SPOCK1: variants seen among roughly 807,000 people sequenced by gnomAD.
SPOCK1 encodes the protein SPARC (osteonectin), cwcv and kazal like domains proteoglycan 1, also known as testican-1.
Under a neutral mutation model 55.3 loss-of-function variants are expected in SPOCK1, and 23 were observed. The ratio of observed to expected loss-of-function variants is 0.42; its 90% CI spans 0.30 to 0.59. The LOEUF (loss-of-function observed/expected upper bound fraction) is 0.59. SPOCK1 is among the 20% of genes least tolerant of loss of function. SPOCK1 has a pLI of 0.22. For missense variants in SPOCK1, 499 were observed against 552.5 expected (o/e 0.90, Z 0.97); for synonymous variants, 226 against 221.0 (o/e 1.02, Z -0.20).
chr5:137,406,340 G>A (rs773222787), intron 2 of SPOCK1, among the ~76,000 whole-genome samples: 1 of 152,188 alleles, frequency 6.6e-6, no homozygotes, highest in African/African-American at 2.4e-5. Flanking sequence ...AATGAGCAAG[G>A]ACTCCCACAG....
chr5:137,110,624 A>G (rs1753449736), intron 5 of SPOCK1, among the ~76,000 whole-genome samples: 1 of 152,160 alleles, frequency 6.6e-6, no homozygotes, highest in Non-Finnish European at 1.5e-5. Context: ...GAGTAAGGGG[A>G]TGGGGAAGTG....
In SPOCK1 at chr5:137,347,536, A is replaced by G. The variant is rs562171005; in HGVS notation, c.187-80481T>C. Reference sequence around the variant, plus strand: ...GGAGTTCAAGACCAGCCTGGCCAACATGGTGAAACCCCATCTCCACTAAAA... The same window carrying G: ...GGAGTTCAAGACCAGCCTGGCCAACGTGGTGAAACCCCATCTCCACTAAAA... On this transcript the variant is annotated intron_variant, in intron 2 of 10. Coordinates refer to ENST00000394945, the MANE Select transcript of SPOCK1 (RefSeq NM_004598.4). 2.0e-5 allele frequency among the ~76,000 whole-genome samples: 3 copies of G among 152,256 alleles called. No individual in the cohort carries two copies. In the South Asian group the frequency reaches 6.2e-4, roughly 32 times the overall value.
intron 3 of SPOCK1, among the ~76,000 whole-genome samples, chr5:137,219,676 C>T (rs1348062649): frequency 6.6e-6 from 1 of 152,192 alleles, no homozygotes; most frequent in Non-Finnish European, 1.5e-5. Flanking sequence ...GGCATAGTGC[C>T]TTTGCCCAAT....
intron 3 of SPOCK1, among the ~76,000 whole-genome samples, chr5:137,217,158 T>C (rs772790944): frequency 1.1e-4 from 16 of 152,322 alleles, no homozygotes; most frequent in Non-Finnish European, 1.8e-4. Flanking sequence ...AGAATTTCAT[T>C]CATGTACTGG....
intron 4 of SPOCK1, among the ~76,000 whole-genome samples, chr5:137,112,888 C>A (rs1468521820): frequency 6.6e-6 from 1 of 152,014 alleles, no homozygotes; most frequent in African/African-American, 2.4e-5. Context: ...TTAATCAGCC[C>A]CAATACCGTA....
chr5:137,054,786 A>G (rs1252536417), intron 6 of SPOCK1, among the ~76,000 whole-genome samples: 1 of 152,232 alleles, frequency 6.6e-6, no homozygotes, highest in Admixed American at 6.5e-5. Flanking sequence ...TTAAATTTGT[A>G]ACAGACATAT....
chr5:137,344,870 AG>A, intron 2 of SPOCK1, among the ~76,000 whole-genome samples: 1 of 152,300 alleles, frequency 6.6e-6, no homozygotes, highest in Non-Finnish European at 1.5e-5. Flanking sequence ...TTTTGATGCA[AG>A]TGTTTCCTGT....
rs112384455 is a variant in SPOCK1 at position 137,491,658 on chromosome 5, C to T, written c.186+6715G>A. On this transcript the variant is annotated intron_variant, in intron 2 of 10. Transcript: ENST00000394945. ...GGAGTTAGACTAAAAAACAGTTTTTCGATATGTGTGACCCTGAGAATTTCC... is the reference window on the plus strand; with the variant it reads ...GGAGTTAGACTAAAAAACAGTTTTTTGATATGTGTGACCCTGAGAATTTCC... Among the ~76,000 whole-genome samples the T allele has an allele frequency of 2.0e-3, 307 of 152,280 alleles. 1 individual carries two copies. The highest frequency in any genetic ancestry group is 8.3e-3 in the South Asian group (40 of 4,830).
chr5:137,163,157 G>T (rs954648479), intron 3 of SPOCK1, among the ~76,000 whole-genome samples: 3 of 152,194 alleles, frequency 2.0e-5, no homozygotes, highest in Non-Finnish European at 4.4e-5. Context: ...GAGATGGGAA[G>T]TGAGAAGCCA....
At chr5:137,407,228 G>A (rs574250862) in intron 2 of SPOCK1, among the ~76,000 whole-genome samples, 4 of 152,314 alleles carry the variant, frequency 2.6e-5, no homozygotes, top group East Asian at 3.9e-4. Flanking sequence ...ACTGCTGTCC[G>A]AGGAGAATGG....
At chr5:137,055,651 G>A (rs1450732155) in intron 6 of SPOCK1, among the ~76,000 whole-genome samples, 1 of 152,318 alleles carries the variant, frequency 6.6e-6, no homozygotes, top group African/African-American at 2.4e-5. Context: ...AATGTTCTGT[G>A]TTCTCACAAG....
intron 5 of SPOCK1, among the ~76,000 whole-genome samples, chr5:137,079,535 C>CGCA (rs56351896): frequency 0.39 from 18,179 of 46,858 alleles, 1,561 homozygotes; most frequent in South Asian, 0.52. Flanking sequence ...CATCTGATTC[C>CGCA]CCCCCCCCCC....
intron 3 of SPOCK1, among the ~76,000 whole-genome samples, chr5:137,261,559 G>T (rs1018030260): frequency 6.6e-6 from 1 of 152,140 alleles, no homozygotes; most frequent in Non-Finnish European, 1.5e-5. Context: ...AGTGAAAGGG[G>T]CCCCTGACTC....
intron 6 of SPOCK1, among the ~76,000 whole-genome samples, chr5:137,012,356 G>T (rs1395846288): frequency 6.6e-6 from 1 of 152,150 alleles, no homozygotes; most frequent in Non-Finnish European, 1.5e-5. Context: ...GCTGGAGAAA[G>T]AAGCACTTTG....
chr5:137,303,992 T>C (rs571395349), intron 2 of SPOCK1, among the ~76,000 whole-genome samples: 1 of 152,292 alleles, frequency 6.6e-6, no homozygotes, highest in South Asian at 2.1e-4. Flanking sequence ...AAGATGGTGA[T>C]GACGTAGGCA....
intron 3 of SPOCK1, among the ~76,000 whole-genome samples, chr5:137,144,132 T>A (rs910819357): frequency 5.9e-5 from 9 of 152,092 alleles, no homozygotes; most frequent in African/African-American, 1.9e-4. Context: ...AGCCCTGATC[T>A]TTCCCCAGAG....
At chr5:137,134,411 T>C (rs1272392166) in intron 4 of SPOCK1, among the ~76,000 whole-genome samples, 3 of 152,194 alleles carry the variant, frequency 2.0e-5, no homozygotes, top group Non-Finnish European at 4.4e-5. Flanking sequence ...CAAAACTCCA[T>C]GCATTAATTC....
intron 2 of SPOCK1, among the ~76,000 whole-genome samples, chr5:137,287,168 G>A (rs1201970175): frequency 6.6e-6 from 1 of 152,152 alleles, no homozygotes; most frequent in Non-Finnish European, 1.5e-5. Context: ...GCATTATGGG[G>A]ACATACAAGT....
chr5:137,023,593 A>C (rs1751613775), intron 6 of SPOCK1, among the ~76,000 whole-genome samples: 1 of 152,222 alleles, frequency 6.6e-6, no homozygotes, highest in Non-Finnish European at 1.5e-5. Context: ...CTGGGGCTAG[A>C]AGAATAGATG....
Sources: gnomAD v4.1 joint callset for allele counts (sites outside exome capture counted in the v4.1 genomes callset) on GRCh38, gnomAD v4.1.1 for gene constraint, MANE v1.5 for transcripts, NCBI Gene and HGNC (gene_info 2026-07-23, HGNC 2026-07-21) for gene names.